AFF2: variants seen among roughly 807,000 people sequenced by gnomAD.
The protein encoded by AFF2 is ALF transcription elongation factor 2.
Under a neutral mutation model 76.9 loss-of-function variants are expected in AFF2, and 14 were observed. The ratio of observed to expected loss-of-function variants is 0.18; its 90% CI spans 0.12 to 0.28. The LOEUF is 0.28. Ranked by LOEUF, AFF2 falls within the 10% of genes least tolerant of loss-of-function variation. The pLI is 1.00. For missense variants in AFF2, 868 were observed against 1,001.1 expected (o/e 0.87, Z 1.79); for synonymous variants, 398 against 366.7 (o/e 1.09, Z -0.98).
At chrX:148,519,781 A>G (rs1324647449) in intron 1 of AFF2, among the ~76,000 whole-genome samples, 2 of 111,371 alleles carry the variant, frequency 1.8e-5, no homozygotes, top group African/African-American at 6.5e-5. Context: ...TGAAACTTAA[A>G]CTCTTAAGAT....
At chrX:148,873,165 G>C (rs970909599) in intron 7 of AFF2, among the ~76,000 whole-genome samples, 1 of 111,345 alleles carries the variant, frequency 9.0e-6, no homozygotes, top group Non-Finnish European at 1.9e-5. Flanking sequence ...ACTACCCTCA[G>C]GTTTGGAAAT....
intron 3 of AFF2, among the ~76,000 whole-genome samples, chrX:148,775,952 T>C (rs1037411027): frequency 9.0e-6 from 1 of 110,601 alleles, no homozygotes; most frequent in Admixed American, 9.6e-5. Context: ...GGTGGTTTGC[T>C]GCACCCATCA....
At chrX:148,555,895 G>A (rs943259502) in intron 1 of AFF2, among the ~76,000 whole-genome samples, 2 of 112,302 alleles carry the variant, frequency 1.8e-5, no homozygotes, top group Non-Finnish European at 3.8e-5. Flanking sequence ...CTTCCAAAAG[G>A]AACCAGCCTT....
chrX:148,934,143 T>C (rs2071745868), intron 9 of AFF2, among the ~76,000 whole-genome samples: 1 of 112,725 alleles, frequency 8.9e-6, no homozygotes, highest in Non-Finnish European at 1.9e-5. Flanking sequence ...GTCAAATACC[T>C]GGTTTGTGGT....
chrX:148,616,739 A>C, intron 1 of AFF2, among the ~76,000 whole-genome samples: 1 of 105,566 alleles, frequency 9.5e-6, no homozygotes, highest in African/African-American at 3.5e-5. Context: ...CCACCCCACA[A>C]CAGTCCCCGG....
intron 3 of AFF2, among the ~76,000 whole-genome samples, chrX:148,692,236 A>G (rs1335207351): frequency 1.8e-5 from 2 of 112,263 alleles, no homozygotes; most frequent in African/African-American, 6.5e-5. Context: ...ACATCATCAT[A>G]TCATGACCAT....
At chrX:148,659,675 G>T (rs2054286005) in intron 2 of AFF2, among the ~76,000 whole-genome samples, 1 of 112,114 alleles carries the variant, frequency 8.9e-6, no homozygotes, top group African/African-American at 3.2e-5. Context: ...GCTTGCATCA[G>T]ATTCTTGTTG....
chrX:148,862,907 A>G (rs1287793719), intron 7 of AFF2, among the ~76,000 whole-genome samples: 4 of 112,282 alleles, frequency 3.6e-5, no homozygotes, highest in Non-Finnish European at 7.5e-5. Flanking sequence ...TTGATTGAAT[A>G]TGAAAACACC....
chrX:148,986,716 T>C (rs1161927450), intron 19 of AFF2, among the ~76,000 whole-genome samples: 2 of 113,322 alleles, frequency 1.8e-5, no homozygotes, highest in African/African-American at 6.4e-5. Flanking sequence ...ACTGACATTG[T>C]GGTTTCCACA....
At chrX:148,985,285 CTTTTTTTTTTTTTTTT>C (rs151339705) in intron 19 of AFF2, among the ~76,000 whole-genome samples, 9 of 15,387 alleles carry the variant, frequency 5.8e-4, no homozygotes, top group Admixed American at 5.1e-3. Flanking sequence ...TGTGCCTGGC[CTTTTTTTTTTTTTTTT>C]TTTTTTTTTT....
At chrX:148,853,380 G>A (rs2070753300) in intron 7 of AFF2, among the ~76,000 whole-genome samples, 1 of 111,285 alleles carries the variant, frequency 9.0e-6, no homozygotes, top group South Asian at 3.8e-4. Flanking sequence ...AAGTTCCAGC[G>A]CTCTCACTCC....
At chrX:148,686,552 T>G (rs1249404757) in intron 3 of AFF2, among the ~76,000 whole-genome samples, 3 of 111,870 alleles carry the variant, frequency 2.7e-5, no homozygotes, top group African/African-American at 9.8e-5. Context: ...CGACTCCAGC[T>G]GAGGGACCTT....
At chrX:148,557,799 A>C (rs1330693704) in intron 1 of AFF2, among the ~76,000 whole-genome samples, 3 of 112,494 alleles carry the variant, frequency 2.7e-5, no homozygotes, top group Non-Finnish European at 3.8e-5. Flanking sequence ...AATAGTTGGC[A>C]TTTTATTGAG....
chrX:148,560,494 C>T (rs952772112), intron 1 of AFF2, among the ~76,000 whole-genome samples: 9 of 112,134 alleles, frequency 8.0e-5, no homozygotes, highest in South Asian at 3.7e-4. Flanking sequence ...ATGACTAAAA[C>T]GCCAAAAGCA....
At chrX:148,692,108 G>C in intron 3 of AFF2, among the ~76,000 whole-genome samples, 1 of 109,058 alleles carries the variant, frequency 9.2e-6, no homozygotes, top group Non-Finnish European at 1.9e-5. Flanking sequence ...ACTGTAAGTA[G>C]ATAACATGTA....
At chrX:148,985,237 T>A (rs1419913934) in intron 19 of AFF2, among the ~76,000 whole-genome samples, 1 of 100,429 alleles carries the variant, frequency 1.0e-5, no homozygotes, top group Non-Finnish European at 2.0e-5. Flanking sequence ...CCGACCCCCT[T>A]GGCCTCCCAA....
At chrX:148,848,203 C>T (rs782662659) in intron 7 of AFF2, among the ~76,000 whole-genome samples, 5 of 110,574 alleles carry the variant, frequency 4.5e-5, no homozygotes, top group African/African-American at 6.6e-5. Context: ...GAAATTATAC[C>T]GCTCTGTTTT....
At chrX:148,688,745 T>C (rs782517150) in intron 3 of AFF2, among the ~76,000 whole-genome samples, 1 of 108,982 alleles carries the variant, frequency 9.2e-6, no homozygotes, top group Non-Finnish European at 1.9e-5. Context: ...TGGCATAGCA[T>C]ACCACACACC....
chrX:148,518,256 C>G (rs782691028), intron 1 of AFF2, among the ~76,000 whole-genome samples: 2 of 111,393 alleles, frequency 1.8e-5, no homozygotes, highest in South Asian at 7.6e-4. Flanking sequence ...CTAAAAAAAC[C>G]AAACAGAGCC....
Sources: gnomAD v4.1 joint callset for allele counts (sites outside exome capture counted in the v4.1 genomes callset) on GRCh38, gnomAD v4.1.1 for gene constraint, MANE v1.5 for transcripts, NCBI Gene and HGNC (gene_info 2026-07-23, HGNC 2026-07-21) for gene names.